Variants in SCAMP1 observed in about 807,000 individuals in gnomAD.
The protein encoded by SCAMP1 is secretory carrier membrane protein 1, also known as secretory carrier-associated membrane protein 1.
Under a neutral mutation model 41.8 loss-of-function variants are expected in SCAMP1, and 15 were observed. The ratio of observed to expected loss-of-function variants is 0.36; its 90% CI spans 0.24 to 0.55. The LOEUF (loss-of-function observed/expected upper bound fraction) is 0.55, where lower values mean the gene tolerates loss of function less well. Ranked by LOEUF, SCAMP1 falls within the 20% of genes least tolerant of loss-of-function variation. The pLI is 0.86. For missense variants in SCAMP1, 341 were observed against 412.6 expected (o/e 0.83, Z 1.50); for synonymous variants, 135 against 136.8 (o/e 0.99, Z 0.09).
chr5:78,394,531 T>C (rs1419391556), intron 2 of SCAMP1, among the ~76,000 whole-genome samples: 1 of 152,106 alleles, frequency 6.6e-6, no homozygotes, highest in Non-Finnish European at 1.5e-5. Flanking sequence ...GTTAAATAAT[T>C]TAGTATTAGT....
At chr5:78,418,172 T>TG (rs1752255494) in intron 4 of SCAMP1, among the ~76,000 whole-genome samples, 1 of 152,204 alleles carries the variant, frequency 6.6e-6, no homozygotes, top group Non-Finnish European at 1.5e-5. Flanking sequence ...TTATCATGAC[T>TG]GTTTCATGTT....
intron 1 of SCAMP1, among the ~76,000 whole-genome samples, chr5:78,369,680 A>G (rs1303426130): frequency 3.3e-5 from 5 of 152,236 alleles, no homozygotes; most frequent in Non-Finnish European, 7.3e-5. Flanking sequence ...AAAAGGCAAT[A>G]TCTGTGAAGT....
At chr5:78,445,280 ACTTG>A (rs1753026451) in intron 6 of SCAMP1, among the ~76,000 whole-genome samples, 1 of 152,180 alleles carries the variant, frequency 6.6e-6, no homozygotes, top group Non-Finnish European at 1.5e-5. Flanking sequence ...ACCAAAAACT[ACTTG>A]CTTATTTGAA....
chr5:78,462,155 C>A (rs1020550465), intron 8 of SCAMP1, among the ~76,000 whole-genome samples: 4 of 151,132 alleles, frequency 2.6e-5, no homozygotes, highest in Non-Finnish European at 5.9e-5. Context: ...TTATGGAGTT[C>A]TTTCACCTTC....
intron 8 of SCAMP1, among the ~76,000 whole-genome samples, chr5:78,464,296 A>G (rs1753687708): frequency 6.6e-6 from 1 of 152,126 alleles, no homozygotes; most frequent in Non-Finnish European, 1.5e-5. Flanking sequence ...GGCATGTGCC[A>G]CCATGCCTGG....
intron 1 of SCAMP1, among the ~76,000 whole-genome samples, chr5:78,373,413 AGACT>A (rs1390269632): frequency 6.6e-6 from 1 of 152,170 alleles, no homozygotes; most frequent in Admixed American, 6.5e-5. Context: ...AAAACCACAG[AGACT>A]GACTAACTCA....
intron 1 of SCAMP1, among the ~76,000 whole-genome samples, chr5:78,367,821 A>T (rs142001668): frequency 6.6e-6 from 1 of 152,194 alleles, no homozygotes; most frequent in African/African-American, 2.4e-5. Flanking sequence ...AAATCTAGCC[A>T]GGCACGTGTT....
chr5:78,364,106 T>C (rs1194407739), intron 1 of SCAMP1, among the ~76,000 whole-genome samples: 1 of 152,226 alleles, frequency 6.6e-6, no homozygotes, highest in African/African-American at 2.4e-5. Context: ...GTTTATTCAT[T>C]CAACAAATAC....
intron 8 of SCAMP1, among the ~76,000 whole-genome samples, chr5:78,474,719 G>A (rs183054150): frequency 7.9e-5 from 12 of 152,206 alleles, no homozygotes; most frequent in East Asian, 3.9e-4. Flanking sequence ...CCCACTCTGC[G>A]AAGTTTGTGG....
chr5:78,454,580 T>C (rs1288875820), intron 7 of SCAMP1, among the ~76,000 whole-genome samples: 1 of 152,048 alleles, frequency 6.6e-6, no homozygotes, highest in East Asian at 1.9e-4. Context: ...CTGGATTCGT[T>C]TTGCCAGTAT....
intron 6 of SCAMP1, among the ~76,000 whole-genome samples, chr5:78,424,518 T>C (rs1263907071): frequency 6.6e-6 from 1 of 152,092 alleles, no homozygotes; most frequent in East Asian, 1.9e-4. Context: ...TCACATGAGG[T>C]CAGGCGTTTG....
chr5:78,448,075 C>T (rs374977646), intron 6 of SCAMP1, among the ~76,000 whole-genome samples: 2 of 20,850 alleles, frequency 9.6e-5, no homozygotes, highest in East Asian at 2.0e-3. Flanking sequence ...CCCCTCCCTC[C>T]TCCTTTCCCC....
chr5:78,459,453 C>T, intron 8 of SCAMP1, 91 bp downstream of exon 8: 1 of 667,512 alleles, frequency 1.5e-6, no homozygotes, highest in South Asian at 1.9e-5. Flanking sequence ...TAACCTGAAG[C>T]CATTTTATCG....
intron 1 of SCAMP1, among the ~76,000 whole-genome samples, chr5:78,367,922 T>C (rs1750839738): frequency 6.6e-6 from 1 of 152,222 alleles, no homozygotes; most frequent in Admixed American, 6.5e-5. Flanking sequence ...TGTTATTTTC[T>C]TCTGCTTTTG....
rs1320918887 is a variant in SCAMP1, at chr5:78,460,822, T to TTCC, written c.852+1461_852+1462insCCT. ...CTTCCTTCCTCCCTTCCTTCCTTCCTTTCTTGTCTTTCCTCTATCTGTCTC... is the reference window on the plus strand; with the variant it reads ...CTTCCTTCCTCCCTTCCTTCCTTCCTTCCTTCTTGTCTTTCCTCTATCTGTCTC... On this transcript the variant is annotated intron_variant, in intron 8 of 8. Coordinates refer to ENST00000621999, the MANE Select transcript of SCAMP1 (RefSeq NM_004866.6). Among the ~76,000 whole-genome samples the TTCC allele has an allele frequency of 6.7e-4, 32 of 47,792 alleles. 6 individuals are homozygous for TTCC. The highest frequency in any genetic ancestry group is 2.1e-3 in the African/African-American group (31 of 14,936). 31.4% of individuals were successfully genotyped at this position (47,792 alleles called of 152,430 possible). A position where few individuals can be genotyped will look rare whatever the true frequency, so the allele number is the denominator to read the frequency against.
chr5:78,400,365 A>G (rs1185552361), intron 2 of SCAMP1, among the ~76,000 whole-genome samples: 2 of 152,156 alleles, frequency 1.3e-5, no homozygotes, highest in Non-Finnish European at 2.9e-5. Flanking sequence ...TTGCCTTTCC[A>G]CATAAACTTC....
intron 3 of SCAMP1, among the ~76,000 whole-genome samples, chr5:78,416,285 A>G (rs957285817): frequency 6.6e-6 from 1 of 152,190 alleles, no homozygotes; most frequent in African/African-American, 2.4e-5. Context: ...AAAGATTGTG[A>G]CTACTTTTAC....
chr5:78,451,666 T>C (rs1163037650), intron 7 of SCAMP1, among the ~76,000 whole-genome samples: 2 of 152,218 alleles, frequency 1.3e-5, no homozygotes, highest in Admixed American at 6.5e-5. Context: ...GATTGATTGA[T>C]TGATTGATTG....
At chr5:78,448,101 A>C (rs59094749) in intron 6 of SCAMP1, among the ~76,000 whole-genome samples, 95 of 3,382 alleles carry the variant, frequency 0.028, 28 homozygotes, top group African/African-American at 0.058. Flanking sequence ...CCTTCCCCCT[A>C]CTCCACTACT....
Sources: gnomAD v4.1 joint callset for allele counts (sites outside exome capture counted in the v4.1 genomes callset) on GRCh38, gnomAD v4.1.1 for gene constraint, MANE v1.5 for transcripts, NCBI Gene and HGNC (gene_info 2026-07-23, HGNC 2026-07-21) for gene names.